Variants in TJP3 observed in about 807,000 individuals in gnomAD.
The protein encoded by TJP3 is tight junction protein 3.
Under a neutral mutation model 104.2 loss-of-function variants are expected in TJP3, and 85 were observed. The observed-to-expected ratio is 0.82, with a 90% CI of 0.68 to 0.98. The LOEUF is 0.98. TJP3 is among the 50% of genes least tolerant of loss of function. The probability of loss-of-function intolerance (pLI) is 0.00; values close to 1 mark genes in which losing one functional copy is unlikely to be tolerated. For synonymous variants in TJP3, 550 were observed against 550.6 expected (o/e 1.00, Z 0.02); for missense variants, 1,367 against 1,322.8 (o/e 1.03, Z -0.52).
chr19:3,719,123 G>A (rs922843523), intron 1 of TJP3, among the ~76,000 whole-genome samples: 4 of 152,104 alleles, frequency 2.6e-5, no homozygotes, highest in Non-Finnish European at 5.9e-5. Context: ...GGCGGAGCTT[G>A]CAGTGAGCCG....
At chr19:3,747,296 G>A (rs559774946) in intron 18 of TJP3, among the ~76,000 whole-genome samples, 5 of 152,192 alleles carry the variant, frequency 3.3e-5, no homozygotes, top group Admixed American at 3.3e-4. Flanking sequence ...CCTGACCTCA[G>A]GCGATCCACC....
At chr19:3,715,228 T>C (rs2036466844) in intron 1 of TJP3, among the ~76,000 whole-genome samples, 1 of 152,016 alleles carries the variant, frequency 6.6e-6, no homozygotes, top group Admixed American at 6.6e-5. Context: ...TAGCTGGGAC[T>C]ACAGGCGCCC....
intron 8 of TJP3, among the ~76,000 whole-genome samples, chr19:3,734,682 C>T (rs947658257): frequency 2.6e-5 from 4 of 152,142 alleles, no homozygotes; most frequent in Non-Finnish European, 5.9e-5. Context: ...AGGCCAGGTG[C>T]GGTGGCTCAC....
chr19:3,714,063 T>G (rs946933302), intron 1 of TJP3, among the ~76,000 whole-genome samples: 2 of 151,254 alleles, frequency 1.3e-5, no homozygotes, highest in African/African-American at 4.9e-5. Flanking sequence ...TGTTGTTGTT[T>G]TGAGACAGAG....
At chr19:3,715,857 C>T (rs1034308573) in intron 1 of TJP3, among the ~76,000 whole-genome samples, 4 of 152,150 alleles carry the variant, frequency 2.6e-5, no homozygotes, top group Non-Finnish European at 4.4e-5. Context: ...CGGCTCACTA[C>T]AGCCTCTGCC....
rs747252695 is a variant in TJP3 at position 3,746,586 on chromosome 19, G to C, written c.2112G>C (p.Pro704=). The C allele has an allele frequency of 2.5e-6, 4 of 1,613,732 alleles. No individual in the cohort carries two copies. The highest frequency in any genetic ancestry group is 2.5e-6 in the Non-Finnish European group (3 of 1,179,986). The part of the protein sequence containing the change: ...IVVFFIPESR[P]ALKALRQWLA... ...TCTTCTTCATCCCCGAGAGCCGGCC[G>C]GCCCTCAAGGCACTGCGCCAGTGGC... The change falls in exon 17 of 21, where the codon CCG becomes CCC. Residue 704 remains proline (P), a synonymous_variant. Transcript: ENST00000541714. This position sits in a 1 kb window ranked among gnomAD's most constrained non-coding sequence, Gnocchi z 4.1.
At chr19:3,742,531 C>A (rs1455668300) in intron 14 of TJP3, among the ~76,000 whole-genome samples, 1 of 149,344 alleles carries the variant, frequency 6.7e-6, no homozygotes, top group Non-Finnish European at 1.5e-5. Flanking sequence ...CCAAATAAAA[C>A]CACAAAAGGG....
intron 6 of TJP3, 99 bp from the exon 7 acceptor site, chr19:3,733,654 G>A (rs2145687136): frequency 6.5e-7 from 1 of 1,534,070 alleles, no homozygotes; most frequent in African/African-American, 1.4e-5. Flanking sequence ...CAACCTCTGG[G>A]GGAATTGTCT....
chr19:3,721,184 G>A (rs1197548246), intron 1 of TJP3, among the ~76,000 whole-genome samples: 1 of 152,140 alleles, frequency 6.6e-6, no homozygotes, highest in East Asian at 1.9e-4. Context: ...ACAGGCATGA[G>A]CCACCGCGCC....
At position 3,723,250 on chromosome 19, in the gene TJP3, C is replaced by T. The variant is rs76827522; in HGVS notation, c.-9-5174C>T. 1.7e-4 allele frequency among the ~76,000 whole-genome samples: 26 copies of T among 152,170 alleles called. No individual in the cohort carries two copies. In the East Asian group the frequency reaches 4.6e-3, roughly 27 times the overall value. On this transcript the variant is annotated intron_variant, in intron 1 of 20. Coordinates refer to ENST00000541714, the MANE Select transcript of TJP3 (RefSeq NM_001267560.2). Reference sequence around the variant, plus strand: ...CCACACCCCAATCATCACATTTGGGCCAGAGGGAAGGATGTATGATATGCG... The same window carrying T: ...CCACACCCCAATCATCACATTTGGGTCAGAGGGAAGGATGTATGATATGCG...
In TJP3 at chr19:3,733,931, G is replaced by A; in HGVS notation, c.877+19G>A. 6.2e-7 allele frequency: 1 copy of A among 1,610,746 alleles called. No individual in the cohort carries two copies. On this transcript the variant is annotated intron_variant, in intron 7 of 20. Coordinates refer to ENST00000541714, the MANE Select transcript of TJP3 (RefSeq NM_001267560.2). ...TTGGAGGGTGAGGACCTAGAGGTTAGGACCTGGGAGGGGGTTGAATGGATG... is the reference window on the plus strand; with the variant it reads ...TTGGAGGGTGAGGACCTAGAGGTTAAGACCTGGGAGGGGGTTGAATGGATG...
intron 1 of TJP3, among the ~76,000 whole-genome samples, chr19:3,713,525 C>T (rs1351898802): frequency 6.6e-6 from 1 of 152,152 alleles, no homozygotes; most frequent in Admixed American, 6.5e-5. Flanking sequence ...GGCCCTGGGG[C>T]GGCAAAGGGC....
rs56138006 is a variant in TJP3 at position 3,739,003 on chromosome 19, C to T, written c.1500C>T (p.Asp500=). The T allele has an allele frequency of 3.2e-3, 5,097 of 1,613,096 alleles. 16 individuals are homozygous for T. Among genetic ancestry groups the T allele is most frequent in the Non-Finnish European group, 3.9e-3 (4,615 of 1,179,830 alleles). ...PPSGLGFTRG[D]VFHVLDTLHP... ...CTGGCCTGGGCTTCACCCGTGGCGACGTCTTCCACGTGCTGGACACGCTGC... is the reference window on the plus strand; with the variant it reads ...CTGGCCTGGGCTTCACCCGTGGCGATGTCTTCCACGTGCTGGACACGCTGC... The change falls in exon 13 of 21, where the codon GAC becomes GAT. Residue 500 remains aspartate (D), a synonymous_variant. Coordinates refer to ENST00000541714, the MANE Select transcript of TJP3 (RefSeq NM_001267560.2).
chr19:3,718,455 G>GT (rs1227926088), intron 1 of TJP3, among the ~76,000 whole-genome samples: 2,079 of 104,738 alleles, frequency 0.02, 38 homozygotes, highest in Admixed American at 0.039. Flanking sequence ...TTTTCTTGCG[G>GT]TTTTTTTTTT....
chr19:3,740,255 A>G (rs1020908865), intron 13 of TJP3, among the ~76,000 whole-genome samples: 22 of 151,964 alleles, frequency 1.4e-4, no homozygotes, highest in African/African-American at 5.3e-4. Flanking sequence ...ATAAATAATA[A>G]AGATTAGCTG....
intron 5 of TJP3, among the ~76,000 whole-genome samples, 194 bp from the exon 6 acceptor site, chr19:3,731,741 G>A (rs988815359): frequency 6.6e-6 from 1 of 152,186 alleles, no homozygotes; most frequent in African/African-American, 2.4e-5. Flanking sequence ...ACGGTGACCT[G>A]GTGTCCCCGC....
At chr19:3,735,400 C>T (rs1451207548) in intron 8 of TJP3, among the ~76,000 whole-genome samples, 166 bp from the exon 9 acceptor site, 2 of 151,776 alleles carry the variant, frequency 1.3e-5, no homozygotes, top group Non-Finnish European at 2.9e-5. Context: ...GGTTTAACCT[C>T]GTTGGCCAGG....
chr19:3,732,049 G>A lies in TJP3; in HGVS notation c.717+11G>A, dbSNP rs1358912309. 4 of 1,608,462 alleles carry A rather than the reference G, an allele frequency of 2.5e-6. No individual in the cohort carries two copies. The highest frequency in any genetic ancestry group is 2.7e-5 in the African/African-American group (2 of 74,882). ...GATCTCATTCTACAGGTGAGGCCGG[G>A]CTTCTTGTCCTGAGAGCAGGGAGAC... On this transcript the variant is annotated intron_variant, in intron 6 of 20. Transcript: ENST00000541714.
intron 13 of TJP3, among the ~76,000 whole-genome samples, chr19:3,739,888 C>T (rs2036789613): frequency 1.3e-5 from 2 of 152,044 alleles, no homozygotes; most frequent in African/African-American, 4.8e-5. Context: ...GTGAGGACAT[C>T]GGGTCCCCTG....
Sources: gnomAD v4.1 joint callset for allele counts (sites outside exome capture counted in the v4.1 genomes callset) on GRCh38, gnomAD v4.1.1 for gene constraint, Gnocchi (gnomAD v3.1) non-coding constraint, MANE v1.5 for transcripts, NCBI Gene and HGNC (gene_info 2026-07-23, HGNC 2026-07-21) for gene names.